RSPH6A: variants seen among roughly 807,000 people sequenced by gnomAD.
The protein encoded by RSPH6A is radial spoke head protein 6 homolog A.
A neutral mutation model predicts 66.1 loss-of-function variants in RSPH6A; 49 were observed. The observed-to-expected ratio is 0.74, with a 90% CI of 0.59 to 0.94. The LOEUF (loss-of-function observed/expected upper bound fraction) is 0.94, where lower values mean the gene tolerates loss of function less well. RSPH6A is among the 40% of genes least tolerant of loss of function. The probability of loss-of-function intolerance (pLI) is 0.00; values close to 1 mark genes in which losing one functional copy is unlikely to be tolerated. For synonymous variants in RSPH6A, 419 were observed against 402.4 expected, an observed-to-expected ratio of 1.04 and a Z score of -0.49; for missense variants, 977 against 948.3, an observed-to-expected ratio of 1.03 and a Z score of -0.40.
rs1399222350 is a variant in RSPH6A at position 45,797,674 on chromosome 19, C to G, written c.1917-1568G>C. On this transcript the variant is annotated intron_variant, in intron 5 of 5. Transcript: ENST00000221538. ...GGAGGATCAACTGAGGTCAGGGGCT[C>G]GAGACCACCCTGGTGAAACCACATC... is the stretch of plus-strand genomic sequence containing the variant. Among the ~76,000 whole-genome samples, 3 of 151,770 alleles carry G rather than the reference C, an allele frequency of 2.0e-5. No individual in the cohort carries two copies. The East Asian group carries it at 5.9e-4, about 30-fold the overall frequency.
chr19:45,801,526 C>T (rs768347177), intron 4 of RSPH6A, among the ~76,000 whole-genome samples: 2 of 152,084 alleles, frequency 1.3e-5, no homozygotes, highest in African/African-American at 2.4e-5. Flanking sequence ...TTTGGGAGGC[C>T]GAGTAAGGTG....
rs1170957431 is a variant in RSPH6A at position 45,804,770 on chromosome 19, C to T, written c.1135G>A (p.Glu379Lys). 2 of 1,612,770 alleles carry T rather than the reference C, an allele frequency of 1.2e-6. No individual in the cohort carries two copies. Among genetic ancestry groups the T allele is most frequent in the South Asian group, 2.2e-5 (2 of 90,960 alleles). The change falls in exon 3 of 6, where the codon GAA becomes AAA. Residue 379 changes from glutamate to lysine, a missense_variant. Transcript: ENST00000221538. This position sits in a 1 kb window ranked among gnomAD's most constrained non-coding sequence, Gnocchi z 5.8. The stretch of plus-strand genomic sequence containing the variant: ...TGCGCCTCCATGACCTCGCCACCTT[C>T]CGTCATCTCCTCCACCTCCTCCTCC... ...AEEEEVEEMT[E>K]GGEVMEAHGE...
chr19:45,804,945 C>G lies in RSPH6A; in HGVS notation c.960G>C (p.Ser320=), dbSNP rs142574841. The G allele has an allele frequency of 3.1e-6, 5 of 1,614,144 alleles. No homozygotes were observed. The highest frequency in any genetic ancestry group is 2.7e-5 in the African/African-American group (2 of 75,046). ...CCAGGAAAATGCGGAAGCTCTCGTCCGAGCTCAGGCCGACGCCGGCCTGCT... is the reference window on the plus strand; with the variant it reads ...CCAGGAAAATGCGGAAGCTCTCGTCGGAGCTCAGGCCGACGCCGGCCTGCT... ...YFEQAGVGLS[S]DESFRIFLAM... Residue 320 remains serine, a synonymous_variant, in exon 3 of 6, where the codon TCG becomes TCC. Coordinates refer to ENST00000221538, the MANE Select transcript of RSPH6A (RefSeq NM_030785.4). The surrounding 1 kb of genome is among the most constrained non-coding windows in gnomAD (Gnocchi z 5.8).
chr19:45,807,212 AATTATT>A (rs1156963073), intron 2 of RSPH6A, among the ~76,000 whole-genome samples: 3 of 144,604 alleles, frequency 2.1e-5, no homozygotes, highest in Admixed American at 7.0e-5. Flanking sequence ...ATTTTTTAAA[AATTATT>A]ATTATTATTA....
chr19:45,800,587 G>A (rs373724894), intron 4 of RSPH6A, 24 bp from the exon 5 acceptor site: 8 of 1,593,340 alleles, frequency 5.0e-6, no homozygotes, highest in Admixed American at 3.4e-5. Context: ...GCAGCAGAGG[G>A]GGGCAGCAGG....
At chr19:45,801,142 G>A (rs11883351) in intron 4 of RSPH6A, among the ~76,000 whole-genome samples, 52,941 of 152,026 alleles carry the variant, frequency 0.35, 9,563 homozygotes, top group East Asian at 0.55. Flanking sequence ...CAGTTCACCT[G>A]TCTGAGCCTC....
At chr19:45,803,626 G>T (rs578152806) in intron 3 of RSPH6A, among the ~76,000 whole-genome samples, 1 of 150,570 alleles carries the variant, frequency 6.6e-6, no homozygotes, top group Non-Finnish European at 1.5e-5. Flanking sequence ...GCGGTGAGCC[G>T]AGATCACGCC....
chr19:45,813,699 C>T (rs1252485503), intron 1 of RSPH6A, among the ~76,000 whole-genome samples: 3 of 152,180 alleles, frequency 2.0e-5, no homozygotes, highest in African/African-American at 7.2e-5. Context: ...TTATTTTTCA[C>T]CTGAGTCCTT....
intron 5 of RSPH6A, among the ~76,000 whole-genome samples, chr19:45,797,826 C>T (rs1970424744): frequency 6.6e-6 from 1 of 151,952 alleles, no homozygotes. Context: ...TGAGATCACA[C>T]CACTGTACTC....
intron 3 of RSPH6A, among the ~76,000 whole-genome samples, chr19:45,803,693 G>GA (rs372215678): frequency 0.42 from 56,339 of 135,748 alleles, 11,419 homozygotes; most frequent in African/African-American, 0.51. Flanking sequence ...GAAAAGAAAA[G>GA]AAAAAAAAAA....
chr19:45,808,476 C>G (rs1205991223), intron 2 of RSPH6A, among the ~76,000 whole-genome samples: 1 of 151,784 alleles, frequency 6.6e-6, no homozygotes, highest in Non-Finnish European at 1.5e-5. Context: ...ACCTGTAATC[C>G]CAGCTACTCG....
chr19:45,800,153 G>A (rs942475086), intron 5 of RSPH6A, among the ~76,000 whole-genome samples: 1 of 152,236 alleles, frequency 6.6e-6, no homozygotes, highest in Non-Finnish European at 1.5e-5. Context: ...TCATCAGGGG[G>A]CTGGAGATCC....
intron 2 of RSPH6A, among the ~76,000 whole-genome samples, chr19:45,808,919 G>A (rs540456046): frequency 4.5e-4 from 68 of 151,224 alleles, no homozygotes; most frequent in African/African-American, 1.6e-3. Context: ...CACCTGCCTC[G>A]GCCTCCCAAA....
chr19:45,803,446 G>C (rs1328963391), intron 3 of RSPH6A, among the ~76,000 whole-genome samples: 1 of 152,058 alleles, frequency 6.6e-6, no homozygotes, highest in Non-Finnish European at 1.5e-5. Context: ...AGAGGCTGAG[G>C]CGGGCAGATC....
Position 45,795,991 on chromosome 19 carries a change from T to C in RSPH6A, c.2032A>G (p.Met678Val). 1.2e-6 allele frequency: 2 copies of C among 1,613,570 alleles called. No individual in the cohort carries two copies. Among genetic ancestry groups the C allele is most frequent in the Non-Finnish European group, 1.7e-6 (2 of 1,179,884 alleles). ...EYPSGPEIMEMSDPTVEEEQA... is the reference protein window; with the variant it reads ...EYPSGPEIMEVSDPTVEEEQA... ...TCCTCTTCCACTGTGGGGTCACTCA[T>C]CTCCATGATCTCTGGGCCACTGGGG... Residue 678 changes from methionine to valine, a missense_variant, in exon 6 of 6, where the codon ATG becomes GTG. Met to Val is a conservative substitution (Grantham distance 21). Transcript: ENST00000221538.
At position 45,804,478 on chromosome 19, in the gene RSPH6A, T is replaced by C; in HGVS notation, c.1427A>G (p.Asn476Ser). 6.2e-7 allele frequency: 1 copy of C among 1,614,074 alleles called. No homozygotes were observed. The highest frequency in any genetic ancestry group is 8.5e-7 in the Non-Finnish European group (1 of 1,179,954). Residue 476 changes from asparagine (N) to serine (S), a missense_variant, in exon 3 of 6, where the codon AAC (asparagine) becomes AGC (serine). Transcript: ENST00000221538. This position sits in a 1 kb window ranked among gnomAD's most constrained non-coding sequence, Gnocchi z 5.8. ...CTGGGCCCGCAGGTAGTTGGCCTCGTTGCCCGGGAAGGGTGGGTAGCTGAC... is the reference window on the plus strand; with the variant it reads ...CTGGGCCCGCAGGTAGTTGGCCTCGCTGCCCGGGAAGGGTGGGTAGCTGAC... The part of the protein sequence containing the change: ...PVVSYPPFPG[N>S]EANYLRAQIA...
intron 3 of RSPH6A, among the ~76,000 whole-genome samples, chr19:45,803,484 C>T (rs1373701694): frequency 6.6e-6 from 1 of 151,900 alleles, no homozygotes; most frequent in Non-Finnish European, 1.5e-5. Context: ...TGAGACCAGC[C>T]TGACCAACAT....
intron 1 of RSPH6A, among the ~76,000 whole-genome samples, chr19:45,812,753 T>C (rs969381307): frequency 1.3e-5 from 2 of 152,152 alleles, no homozygotes; most frequent in African/African-American, 2.4e-5. Context: ...TGGAGTGCAC[T>C]GGCACGATCT....
In RSPH6A at chr19:45,815,134, G is replaced by A; in HGVS notation, c.43C>T (p.Pro15Ser). 6.2e-7 allele frequency: 1 copy of A among 1,611,152 alleles called. No individual in the cohort carries two copies. The stretch of plus-strand genomic sequence containing the variant: ...GCCTGAGAAGTCCTCCGGCCCGGAG[G>A]CTGCTGGGCAGGGCGCTCAGGGTAG... ...PPYPERPAQQPPGRRTSQASQ... is the reference protein window; with the variant it reads ...PPYPERPAQQSPGRRTSQASQ... The change falls in exon 1 of 6, where the codon CCT becomes TCT. Residue 15 changes from proline (P) to serine (S), a missense_variant. By Grantham distance (74) the Pro-to-Ser change is moderately conservative. Coordinates refer to ENST00000221538, the MANE Select transcript of RSPH6A (RefSeq NM_030785.4).
Sources: allele counts gnomAD v4.1 joint callset (sites outside exome capture counted in the v4.1 genomes callset), GRCh38; gene constraint gnomAD v4.1.1; non-coding constraint Gnocchi (gnomAD v3.1); transcripts MANE v1.5; gene names NCBI Gene and HGNC (gene_info 2026-07-23, HGNC 2026-07-21).